CTSS: variants seen among roughly 807,000 people sequenced by gnomAD.
CTSS encodes the protein cathepsin S.
Under a neutral mutation model 39.9 loss-of-function variants are expected in CTSS, and 15 were observed. The observed-to-expected ratio is 0.38, with a 90% confidence interval of 0.25 to 0.58. The LOEUF (loss-of-function observed/expected upper bound fraction) is 0.58. Ranked by LOEUF, CTSS falls within the 20% of genes least tolerant of loss-of-function variation. The pLI, the probability that CTSS is intolerant of heterozygous loss-of-function variation, is 0.70. For synonymous variants in CTSS, 126 were observed against 138.2 expected, an observed-to-expected ratio of 0.91 and a Z score of 0.62; for missense variants, 250 against 398.2, an observed-to-expected ratio of 0.63 and a Z score of 3.17.
chr1:150,747,684 G>T, intron 7 of CTSS, 93 bp downstream of exon 7: 1 of 821,780 alleles, frequency 1.2e-6, no homozygotes, highest in Non-Finnish European at 2.1e-6. Context: ...TCAATATCGT[G>T]ATCATAATGA....
intron 7 of CTSS, among the ~76,000 whole-genome samples, chr1:150,745,531 G>A (rs977538751): frequency 3.9e-5 from 6 of 152,092 alleles, no homozygotes; most frequent in African/African-American, 1.4e-4. Context: ...GTGTGGTGGT[G>A]CATGCCAGTA....
At chr1:150,755,996 G>A (rs1224571055) in intron 3 of CTSS, among the ~76,000 whole-genome samples, 1 of 151,898 alleles carries the variant, frequency 6.6e-6, no homozygotes, top group East Asian at 1.9e-4. Context: ...TAAATGTTTT[G>A]TCTTCTATGG....
chr1:150,764,435 G>A lies in CTSS; in HGVS notation c.126+203C>T, dbSNP rs112378873. Among the ~76,000 whole-genome samples the A allele has an allele frequency of 6.6e-5, 10 of 151,894 alleles. No individual in the cohort carries two copies. The East Asian group carries it at 1.2e-3, about 18-fold the overall frequency. ...GTATTTTTAGTAGAGATGGGGTTTC[G>A]CCATGTTGGCTAGGCTGGTCTCGAA... On this transcript the variant is annotated intron_variant, in intron 2 of 7. Transcript: ENST00000368985.
At position 150,731,752 on chromosome 1, in the gene CTSS, T is replaced by C. The variant is rs1207194680; in HGVS notation, c.*1294A>G. The C allele has an allele frequency of 6.6e-6, 1 of 152,214 alleles. No homozygotes were observed. The highest frequency in any genetic ancestry group is 1.5e-5 in the Non-Finnish European group (1 of 68,040). 9.4% of individuals were successfully genotyped at this position (152,214 alleles called of 1,614,324 possible). The stretch of plus-strand genomic sequence containing the variant: ...TATTGGTTATTTTATTCTGGTTGGC[T>C]CAGTTATTTGCCAAATAAAGGCCCT... On this transcript the variant is annotated 3_prime_UTR_variant, in exon 8 of 8. Coordinates refer to ENST00000368985, the MANE Select transcript of CTSS (RefSeq NM_004079.5).
chr1:150,736,006 C>T (rs1346367475), intron 7 of CTSS, among the ~76,000 whole-genome samples: 5 of 152,072 alleles, frequency 3.3e-5, no homozygotes, highest in Non-Finnish European at 5.9e-5. Flanking sequence ...GATCTGCCCG[C>T]CTCAGCCTCC....
chr1:150,760,986 C>T (rs1653244665), intron 2 of CTSS, among the ~76,000 whole-genome samples: 2 of 151,596 alleles, frequency 1.3e-5, no homozygotes, highest in South Asian at 4.2e-4. Context: ...CGAGACCAGC[C>T]TGACCAACAT....
chr1:150,740,698 C>CT (rs1236351547), intron 7 of CTSS, among the ~76,000 whole-genome samples: 2 of 148,158 alleles, frequency 1.3e-5, no homozygotes, highest in Admixed American at 6.7e-5. Context: ...GGCCTCCTTC[C>CT]TTTTTTTTTC....
Position 150,755,241 on chromosome 1 carries a change from A to G in CTSS, c.250-91T>C, listed in dbSNP as rs1653096224. The G allele has an allele frequency of 2.1e-6, 3 of 1,405,626 alleles. No homozygotes were observed. In the African/African-American group the frequency reaches 4.2e-5, roughly 20 times the overall value. The allele number at this position is 1,405,626 out of a possible 1,614,324, so 87.1% of individuals were successfully genotyped here. A position where few individuals can be genotyped will look rare whatever the true frequency, so the allele number is the denominator to read the frequency against. On this transcript the variant is annotated intron_variant, in intron 3 of 7. Coordinates refer to ENST00000368985, the MANE Select transcript of CTSS (RefSeq NM_004079.5). Reference sequence around the variant, plus strand: ...TAGGTGATTTTGTCATTGTGAAAACACCATAGTGTGTACTTACACAAACCT... The same window carrying G: ...TAGGTGATTTTGTCATTGTGAAAACGCCATAGTGTGTACTTACACAAACCT...
At chr1:150,747,294 G>T (rs1652911493) in intron 7 of CTSS, among the ~76,000 whole-genome samples, 2 of 152,162 alleles carry the variant, frequency 1.3e-5, no homozygotes, top group Non-Finnish European at 2.9e-5. Flanking sequence ...AGTTTGGAAA[G>T]ACTAAGATAT....
chr1:150,740,872 G>C (rs769438634), intron 7 of CTSS, among the ~76,000 whole-genome samples: 4 of 151,080 alleles, frequency 2.6e-5, no homozygotes, highest in Non-Finnish European at 5.9e-5. Context: ...TTTTTGTATA[G>C]AGATGGGGTC....
chr1:150,750,761 G>A (rs1225921446), intron 5 of CTSS, among the ~76,000 whole-genome samples: 1 of 151,920 alleles, frequency 6.6e-6, no homozygotes, highest in Non-Finnish European at 1.5e-5. Flanking sequence ...TCAGCTTCCT[G>A]AGTAGCTGGA....
chr1:150,732,066 C>G lies in CTSS; in HGVS notation c.*980G>C, dbSNP rs1652536395. On this transcript the variant is annotated 3_prime_UTR_variant, in exon 8 of 8. Coordinates refer to ENST00000368985, the MANE Select transcript of CTSS (RefSeq NM_004079.5). ...GGGACCACAGGCACACACCACCACT[C>G]CTGGATAGTTTCTTTTTTATTTTTG... 1 of 152,168 alleles carries G rather than the reference C, an allele frequency of 6.6e-6. No individual in the cohort carries two copies. The highest frequency in any genetic ancestry group is 2.4e-5 in the African/African-American group (1 of 41,426). 9.4% of individuals were successfully genotyped at this position (152,168 alleles called of 1,614,324 possible). A position where few individuals can be genotyped will look rare whatever the true frequency, so the allele number is the denominator to read the frequency against.
intron 7 of CTSS, among the ~76,000 whole-genome samples, chr1:150,735,646 T>C (rs1337961221): frequency 6.6e-6 from 1 of 152,064 alleles, no homozygotes; most frequent in Non-Finnish European, 1.5e-5. Context: ...TGGAGTGTGG[T>C]GGTGCAATCA....
In CTSS at chr1:150,737,433, G is replaced by A. The variant is rs141295607; in HGVS notation, c.897-4288C>T. On this transcript the variant is annotated intron_variant, in intron 7 of 7. Transcript: ENST00000368985. ...GTCTACTTTTAAAAAAATGTATAGC[G>A]TTCTTCTAGGGTGATCACCAGTCCC... 1.7e-4 allele frequency among the ~76,000 whole-genome samples: 26 copies of A among 152,196 alleles called. No homozygotes were observed. The East Asian group carries it at 4.8e-3, about 28-fold the overall frequency.
At chr1:150,751,539 C>T (rs754238897) in intron 5 of CTSS, among the ~76,000 whole-genome samples, 9 of 152,158 alleles carry the variant, frequency 5.9e-5, no homozygotes, top group African/African-American at 1.4e-4. Flanking sequence ...TGAGCCACTA[C>T]GCCCAGTCAT....
At position 150,733,023 on chromosome 1, in the gene CTSS, T is replaced by C; in HGVS notation, c.*23A>G. 2.6e-6 allele frequency: 4 copies of C among 1,523,452 alleles called. No individual in the cohort carries two copies. Among genetic ancestry groups the C allele is most frequent in the Non-Finnish European group, 2.7e-6 (3 of 1,104,832 alleles). 94.4% of individuals were successfully genotyped at this position (1,523,452 alleles called of 1,614,324 possible). A position where few individuals can be genotyped will look rare whatever the true frequency, so the allele number is the denominator to read the frequency against. On this transcript the variant is annotated 3_prime_UTR_variant, in exon 8 of 8. Coordinates refer to ENST00000368985, the MANE Select transcript of CTSS (RefSeq NM_004079.5). The stretch of plus-strand genomic sequence containing the variant: ...GAGAAAGTGCTTCATATTTCTTGAT[T>C]TGTTATAAAAAGGAGAGATCCTCTA...
At chr1:150,746,491 A>G (rs1652898032) in intron 7 of CTSS, among the ~76,000 whole-genome samples, 2 of 152,232 alleles carry the variant, frequency 1.3e-5, no homozygotes, top group African/African-American at 4.8e-5. Flanking sequence ...AGGCACGTAC[A>G]GAACACTGGA....
chr1:150,758,060 T>A, intron 2 of CTSS, 80 bp from the exon 3 acceptor site: 1 of 1,475,980 alleles, frequency 6.8e-7, no homozygotes, highest in Non-Finnish European at 9.1e-7. Context: ...GCAATTTTTT[T>A]TTTTTTTGAG....
intron 3 of CTSS, among the ~76,000 whole-genome samples, chr1:150,755,478 G>A (rs1487088395): frequency 6.6e-6 from 1 of 152,180 alleles, no homozygotes; most frequent in Non-Finnish European, 1.5e-5. Context: ...GGTGGCTCAC[G>A]CCTGCAATCC....
Sources: allele counts gnomAD v4.1 joint callset (sites outside exome capture counted in the v4.1 genomes callset), GRCh38; gene constraint gnomAD v4.1.1; transcripts MANE v1.5; gene names NCBI Gene and HGNC (gene_info 2026-07-23, HGNC 2026-07-21).